PTPRD: variants seen among roughly 807,000 people sequenced by gnomAD.
PTPRD encodes receptor-type tyrosine-protein phosphatase delta.
In PTPRD, 34 loss-of-function variants were observed where a neutral mutation model predicts 214.5. That is an observed-to-expected ratio of 0.16 (90% CI 0.12 to 0.21). The LOEUF is 0.21. Ranked by LOEUF, PTPRD falls within the 10% of genes least tolerant of loss-of-function variation. The pLI is 1.00. For missense variants in PTPRD, 2,545 were observed against 2,398.7 expected (o/e 1.06, Z -1.27); for synonymous variants, 1,128 against 845.7 (o/e 1.33, Z -5.79).
intron 3 of PTPRD, among the ~76,000 whole-genome samples, chr9:10,148,510 A>T (rs1405557358): frequency 6.6e-6 from 1 of 152,202 alleles, no homozygotes; most frequent in African/African-American, 2.4e-5. Flanking sequence ...ACAGTATGCT[A>T]TGTATCATTT....
At chr9:8,397,278 G>A (rs1589448481) in intron 36 of PTPRD, among the ~76,000 whole-genome samples, 1 of 152,054 alleles carries the variant, frequency 6.6e-6, no homozygotes, top group African/African-American at 2.4e-5. Context: ...GGGAGAAAAA[G>A]GGATCATATT....
At chr9:9,754,786 G>C (rs1036818313) in intron 6 of PTPRD, among the ~76,000 whole-genome samples, 1 of 151,998 alleles carries the variant, frequency 6.6e-6, no homozygotes, top group African/African-American at 2.4e-5. Context: ...TAGCATGTGA[G>C]GACAGCCTAT....
intron 9 of PTPRD, among the ~76,000 whole-genome samples, chr9:9,279,839 T>C (rs73390826): frequency 0.018 from 2,690 of 151,316 alleles, 79 homozygotes; most frequent in African/African-American, 0.062. Context: ...TTTAAAACTA[T>C]GGTCATACTT....
chr9:10,515,639 C>T (rs2049828976), intron 2 of PTPRD, among the ~76,000 whole-genome samples: 1 of 151,794 alleles, frequency 6.6e-6, no homozygotes, highest in Non-Finnish European at 1.5e-5. Context: ...TTTAAAAGTA[C>T]AATACAGTCT....
chr9:10,481,839 C>A (rs539510805), intron 2 of PTPRD, among the ~76,000 whole-genome samples: 3 of 152,214 alleles, frequency 2.0e-5, no homozygotes, highest in African/African-American at 7.2e-5. Context: ...ATTTTCTCAT[C>A]TTTTAAGAGA....
chr9:10,033,195 G>A (rs2097114630), intron 4 of PTPRD, among the ~76,000 whole-genome samples: 1 of 151,612 alleles, frequency 6.6e-6, no homozygotes, highest in Non-Finnish European at 1.5e-5. Context: ...TTGGCAAATG[G>A]GGAGGCGTGT....
At chr9:10,296,606 T>C (rs967498216) in intron 3 of PTPRD, among the ~76,000 whole-genome samples, 1 of 152,060 alleles carries the variant, frequency 6.6e-6, no homozygotes, top group African/African-American at 2.4e-5. Flanking sequence ...AATACTCTAC[T>C]CCTTGCCTCA....
At chr9:9,751,687 T>G (rs1025104948) in intron 6 of PTPRD, among the ~76,000 whole-genome samples, 2 of 152,010 alleles carry the variant, frequency 1.3e-5, no homozygotes, top group African/African-American at 4.8e-5. Flanking sequence ...AGACAGAGAT[T>G]GGAATGATAT....
chr9:10,600,601 T>A (rs1048973917), intron 2 of PTPRD, among the ~76,000 whole-genome samples: 1 of 151,292 alleles, frequency 6.6e-6, no homozygotes, highest in Non-Finnish European at 1.5e-5. Flanking sequence ...CACTTCAGAG[T>A]TGGCAGGGGA....
intron 36 of PTPRD, among the ~76,000 whole-genome samples, chr9:8,402,825 C>T (rs916832536): frequency 2.0e-5 from 3 of 151,544 alleles, no homozygotes; most frequent in Admixed American, 6.6e-5. Flanking sequence ...CATTATTATG[C>T]CTGATCTAGT....
chr9:9,442,750 G>A (rs939904119), intron 8 of PTPRD, among the ~76,000 whole-genome samples: 1 of 152,130 alleles, frequency 6.6e-6, no homozygotes, highest in Non-Finnish European at 1.5e-5. Context: ...CAAAAAACCA[G>A]ATCTCTGGCC....
At chr9:10,504,009 C>T (rs201638117) in intron 2 of PTPRD, among the ~76,000 whole-genome samples, 3 of 146,748 alleles carry the variant, frequency 2.0e-5, no homozygotes, top group Admixed American at 7.1e-5. Context: ...CCAGCTACTC[C>T]GGAGACTGAA....
intron 10 of PTPRD, among the ~76,000 whole-genome samples, chr9:9,182,099 A>G (rs1383258983): frequency 6.6e-6 from 1 of 152,094 alleles, no homozygotes; most frequent in African/African-American, 2.4e-5. Flanking sequence ...GAATCTTAAC[A>G]TATAAAATTG....
At chr9:8,595,717 A>C (rs568880226) in intron 14 of PTPRD, among the ~76,000 whole-genome samples, 4 of 152,338 alleles carry the variant, frequency 2.6e-5, no homozygotes, top group Non-Finnish European at 4.4e-5. Flanking sequence ...TTATTTACTA[A>C]GTTTACTGTA....
chr9:8,377,320 A>C (rs1188414319), intron 37 of PTPRD, among the ~76,000 whole-genome samples: 1 of 152,116 alleles, frequency 6.6e-6, no homozygotes, highest in Non-Finnish European at 1.5e-5. Flanking sequence ...CCTTAAAAAG[A>C]GTCTCAGAGG....
chr9:8,659,074 G>GAA (rs5896251), intron 12 of PTPRD, among the ~76,000 whole-genome samples: 1 of 147,830 alleles, frequency 6.8e-6, no homozygotes, highest in Non-Finnish European at 1.5e-5. Context: ...GAAGTAACTG[G>GAA]AAAAAAAAAA....
intron 8 of PTPRD, among the ~76,000 whole-genome samples, chr9:9,468,197 T>C (rs1281007579): frequency 2.0e-5 from 3 of 152,076 alleles, no homozygotes; most frequent in African/African-American, 7.2e-5. Context: ...TTCAGTTTTT[T>C]TATCGGTTTT....
At chr9:9,791,100 A>T (rs1252061158) in intron 5 of PTPRD, among the ~76,000 whole-genome samples, 1 of 152,162 alleles carries the variant, frequency 6.6e-6, no homozygotes, top group African/African-American at 2.4e-5. Context: ...ATTTTGTTAC[A>T]GATTTTTTTT....
At chr9:9,498,138 A>G (rs1460839101) in intron 8 of PTPRD, among the ~76,000 whole-genome samples, 1 of 152,134 alleles carries the variant, frequency 6.6e-6, no homozygotes, top group Non-Finnish European at 1.5e-5. Context: ...CCTGCTTTAC[A>G]GTAGTGCCTG....
Sources: gnomAD v4.1 joint callset for allele counts (sites outside exome capture counted in the v4.1 genomes callset) on GRCh38, gnomAD v4.1.1 for gene constraint, MANE v1.5 for transcripts, NCBI Gene and HGNC (gene_info 2026-07-23, HGNC 2026-07-21) for gene names.